Variants in CDK5RAP2 observed in about 807,000 individuals in gnomAD.
CDK5RAP2 encodes CDK5 regulatory subunit-associated protein 2.
In CDK5RAP2, 147 loss-of-function variants were observed where a neutral mutation model predicts 232.9. The observed-to-expected ratio is 0.63, with a 90% CI of 0.55 to 0.72. The LOEUF (loss-of-function observed/expected upper bound fraction) is 0.72, where lower values mean the gene tolerates loss of function less well. CDK5RAP2 is among the 30% of genes least tolerant of loss of function. CDK5RAP2 has a pLI of 0.00. For synonymous variants in CDK5RAP2, 833 were observed against 833.7 expected, an observed-to-expected ratio of 1.00 and a Z score of 0.01; for missense variants, 2,195 against 2,231.5, an observed-to-expected ratio of 0.98 and a Z score of 0.33.
At chr9:120,512,898 C>G (rs1300342020) in intron 12 of CDK5RAP2, among the ~76,000 whole-genome samples, 1 of 152,188 alleles carries the variant, frequency 6.6e-6, no homozygotes, top group East Asian at 1.9e-4. Context: ...AGGATCATAC[C>G]TGCTTTATTT....
At chr9:120,551,201 T>C (rs2042029824) in intron 3 of CDK5RAP2, among the ~76,000 whole-genome samples, 1 of 152,116 alleles carries the variant, frequency 6.6e-6, no homozygotes, top group Non-Finnish European at 1.5e-5. Context: ...AAGAAGAATT[T>C]CTTCTTTTCA....
chr9:120,494,672 CTAA>C lies in CDK5RAP2; in HGVS notation c.1312-3198_1312-3196del, dbSNP rs2039072309. On this transcript the variant is annotated intron_variant, in intron 12 of 37. Coordinates refer to ENST00000349780, the MANE Select transcript of CDK5RAP2 (RefSeq NM_018249.6). ...CTTCCTCATGGTAGACATAATACAA[CTAA>C]TAAGAATAGAAGGAAAGATAGAAAA... is the stretch of plus-strand genomic sequence containing the variant. 2.6e-5 allele frequency among the ~76,000 whole-genome samples: 4 copies of C among 152,112 alleles called. No individual in the cohort carries two copies. In the East Asian group the frequency reaches 7.7e-4, roughly 29 times the overall value.
chr9:120,524,318 T>C (rs894208182), intron 11 of CDK5RAP2, among the ~76,000 whole-genome samples: 2 of 152,154 alleles, frequency 1.3e-5, no homozygotes, highest in African/African-American at 4.8e-5. Flanking sequence ...TGACAGTGAA[T>C]AAGCTACACA....
At chr9:120,505,830 A>G (rs1199540068) in intron 12 of CDK5RAP2, among the ~76,000 whole-genome samples, 1 of 152,234 alleles carries the variant, frequency 6.6e-6, no homozygotes, top group Non-Finnish European at 1.5e-5. Flanking sequence ...GAAGCTGCAA[A>G]AAGAAAAAAC....
Position 120,536,432 on chromosome 9 carries a change from T to A in CDK5RAP2, c.602A>T (p.Glu201Val). The A allele has an allele frequency of 6.2e-7, 1 of 1,614,216 alleles. No individual in the cohort carries two copies. The highest frequency in any genetic ancestry group is 8.5e-7 in the Non-Finnish European group (1 of 1,180,042). The change falls in exon 7 of 38, where the codon GAG becomes GTG. Residue 201 changes from glutamate (E) to valine (V), a missense_variant. Physicochemically the swap from Glu to Val is moderately radical, Grantham distance 121. Transcript: ENST00000349780. ...LRLRLESKLS[E>V]MKKMHEGDLA... ...GTCCCCCTCGTGCATCTTCTTCATC[T>A]CTGAAAGCTTGCTTTCCAAACGCAA... is the stretch of plus-strand genomic sequence containing the variant.
intron 12 of CDK5RAP2, among the ~76,000 whole-genome samples, chr9:120,513,294 A>G (rs534700246): frequency 1.3e-5 from 2 of 152,194 alleles, no homozygotes; most frequent in South Asian, 4.2e-4. Flanking sequence ...CATCCATCAG[A>G]CTAGTCTTTC....
At chr9:120,452,238 G>GTCTCTCTCTCTCTCTCTCTC (rs373806149) in intron 21 of CDK5RAP2, among the ~76,000 whole-genome samples, 8 of 142,856 alleles carry the variant, frequency 5.6e-5, no homozygotes, top group African/African-American at 2.1e-4. Context: ...TATAATGGCA[G>GTCTCTCTCTCTCTCTCTCTC]TCTCTCTCTC....
chr9:120,478,575 C>G (rs1438453330), intron 14 of CDK5RAP2, among the ~76,000 whole-genome samples: 2 of 152,104 alleles, frequency 1.3e-5, no homozygotes, highest in Non-Finnish European at 1.5e-5. Flanking sequence ...AGTTCAAGAC[C>G]AGCCTGGGCA....
chr9:120,487,230 AAT>A, intron 14 of CDK5RAP2, 62 bp downstream of exon 14: 1 of 1,560,460 alleles, frequency 6.4e-7, no homozygotes, highest in Non-Finnish European at 8.8e-7. Context: ...GGAGTTATCA[AAT>A]ATGTTTCAAA....
At position 120,545,725 on chromosome 9, in the gene CDK5RAP2, G is replaced by GAGC; in HGVS notation, c.369_371dup (p.Leu124dup). 1 of 1,613,492 alleles carries GAGC rather than the reference G, an allele frequency of 6.2e-7. No individual in the cohort carries two copies. Among genetic ancestry groups the GAGC allele is most frequent in the East Asian group, 2.2e-5 (1 of 44,882 alleles). On this transcript the variant is annotated inframe_insertion, in exon 5 of 38. Transcript: ENST00000349780. ...ATGATGGTACTCACGAGGCTTTGAT[G>GAGC]AGCAGCTGCTCTCTCTCCTGGAGTT...
At chr9:120,485,293 C>CTTTTTTTT (rs111411839) in intron 14 of CDK5RAP2, among the ~76,000 whole-genome samples, 26 of 132,360 alleles carry the variant, frequency 2.0e-4, no homozygotes, top group African/African-American at 7.1e-4. Flanking sequence ...CATTTAGATA[C>CTTTTTTTT]TTTTTTTTTT....
chr9:120,537,802 C>T (rs2041459561), intron 6 of CDK5RAP2, among the ~76,000 whole-genome samples: 3 of 152,086 alleles, frequency 2.0e-5, no homozygotes, highest in African/African-American at 4.8e-5. Context: ...GGATGTCTCA[C>T]ACAATGAAAT....
chr9:120,409,385 C>T (rs917024345), intron 29 of CDK5RAP2, 69 bp from the exon 30 acceptor site: 1 of 1,095,396 alleles, frequency 9.1e-7, no homozygotes, highest in Non-Finnish European at 1.3e-6. Context: ...TATATAAATA[C>T]AGCACTTCAA....
At chr9:120,476,993 AC>A (rs1435469494) in intron 15 of CDK5RAP2, among the ~76,000 whole-genome samples, 2 of 152,202 alleles carry the variant, frequency 1.3e-5, no homozygotes, top group African/African-American at 4.8e-5. Flanking sequence ...CTTATAGAAA[AC>A]ACAGGGATAG....
intron 12 of CDK5RAP2, among the ~76,000 whole-genome samples, chr9:120,511,158 A>T (rs923014861): frequency 1.3e-5 from 2 of 152,148 alleles, no homozygotes; most frequent in Non-Finnish European, 2.9e-5. Flanking sequence ...CTCCCTACAA[A>T]ATGCTAAAGA....
intron 36 of CDK5RAP2, among the ~76,000 whole-genome samples, chr9:120,393,979 T>G (rs922651873): frequency 2.0e-5 from 3 of 152,292 alleles, no homozygotes; most frequent in African/African-American, 7.2e-5. Flanking sequence ...CAGTCTTTCA[T>G]GAAGTACTCC....
chr9:120,559,380 G>A (rs937176355), intron 3 of CDK5RAP2, among the ~76,000 whole-genome samples: 7 of 151,072 alleles, frequency 4.6e-5, no homozygotes, highest in East Asian at 1.9e-4. Flanking sequence ...CTAGCCAAGC[G>A]GGAGGCTGAG....
chr9:120,394,756 T>C (rs995737713), intron 35 of CDK5RAP2, 118 bp from the exon 36 acceptor site: 8 of 888,024 alleles, frequency 9.0e-6, no homozygotes, highest in Non-Finnish European at 1.4e-5. Flanking sequence ...AATATTTGAA[T>C]GGAAACTAGA....
intron 15 of CDK5RAP2, 104 bp downstream of exon 15, chr9:120,477,246 G>C: frequency 1.1e-6 from 1 of 914,994 alleles, no homozygotes; most frequent in East Asian, 2.4e-5. Context: ...GCAGGGCTTT[G>C]CTGCCTTAGA....
Sources: allele counts gnomAD v4.1 joint callset (sites outside exome capture counted in the v4.1 genomes callset), GRCh38; gene constraint gnomAD v4.1.1; transcripts MANE v1.5; gene names NCBI Gene and HGNC (gene_info 2026-07-23, HGNC 2026-07-21).